Variants in MRM2 observed in about 807,000 individuals in gnomAD.
MRM2 encodes the protein mitochondrial rRNA methyltransferase 2, also known as rRNA methyltransferase 2, mitochondrial.
A neutral mutation model predicts 10.9 loss-of-function variants in MRM2; 15 were observed. The observed-to-expected ratio is 1.37, with a 90% CI of 0.92 to 2.11. The LOEUF is 2.11. Ranked by LOEUF, MRM2 falls within the 30% of genes most tolerant of loss-of-function variation. The pLI is 0.00. For missense variants in MRM2, 328 were observed against 321.3 expected, an observed-to-expected ratio of 1.02 and a Z score of -0.16; for synonymous variants, 139 against 128.7, an observed-to-expected ratio of 1.08 and a Z score of -0.54.
Position 2,239,290 on chromosome 7 carries a change from A to G in MRM2, c.298+128T>C. 4 of 923,564 alleles carry G rather than the reference A, an allele frequency of 4.3e-6. No individual in the cohort carries two copies. The South Asian group carries it at 5.2e-5, about 12-fold the overall frequency. 57.2% of individuals were successfully genotyped at this position (923,564 alleles called of 1,614,324 possible). A position where few individuals can be genotyped will look rare whatever the true frequency, so the allele number is the denominator to read the frequency against. Reference sequence around the variant, plus strand: ...TTTTTATCATCACCATTGCTAAACCACCCACTCGGAAGCACACGCCTTCAA... The same window carrying G: ...TTTTTATCATCACCATTGCTAAACCGCCCACTCGGAAGCACACGCCTTCAA... On this transcript the variant is annotated intron_variant, in intron 2 of 2. Coordinates refer to ENST00000242257, the MANE Select transcript of MRM2 (RefSeq NM_013393.3).
At chr7:2,237,808 T>G in intron 2 of MRM2, among the ~76,000 whole-genome samples, 1 of 147,526 alleles carries the variant, frequency 6.8e-6, no homozygotes, top group East Asian at 2.0e-4. Flanking sequence ...CGGAAATCAC[T>G]TAAACACAGG....
At position 2,239,673 on chromosome 7, in the gene MRM2, G is replaced by A; in HGVS notation, c.43C>T (p.Gln15Ter). ...LKLVCVSFQR[Q>*]GFHTVGSRCK... ...CGACTCCCAACAGTGTGGAACCCTTGACGCTGAAAGGAAACACACACCAGC... is the reference window on the plus strand; with the variant it reads ...CGACTCCCAACAGTGTGGAACCCTTAACGCTGAAAGGAAACACACACCAGC... Residue 15 changes from glutamine to a stop codon, truncating the protein, a stop_gained, in exon 2 of 3, where the codon CAA becomes TAA. Coordinates refer to ENST00000242257, the MANE Select transcript of MRM2 (RefSeq NM_013393.3). LOFTEE classifies it high-confidence loss of function. The A allele has an allele frequency of 6.2e-7, 1 of 1,613,698 alleles. No homozygotes were observed. Among genetic ancestry groups the A allele is most frequent in the Non-Finnish European group, 8.5e-7 (1 of 1,179,748 alleles).
chr7:2,239,488 C>T lies in MRM2; in HGVS notation c.228G>A (p.Val76=). ...CCCCAGGAGCTGCCCCACAGTCTAACACCCGAAGGCCGGGCCGCAGAATCT... is the reference window on the plus strand; with the variant it reads ...CCCCAGGAGCTGCCCCACAGTCTAATACCCGAAGGCCGGGCCGCAGAATCT... The part of the protein sequence containing the change: ...RHQILRPGLR[V]LDCGAAPGAW... The change falls in exon 2 of 3, where the codon GTG becomes GTA. Residue 76 remains valine, a synonymous_variant. Coordinates refer to ENST00000242257, the MANE Select transcript of MRM2 (RefSeq NM_013393.3). 1 of 1,613,890 alleles carries T rather than the reference C, an allele frequency of 6.2e-7. No individual in the cohort carries two copies.
intron 2 of MRM2, chr7:2,238,977 TTATATATATATATATATATATATATA>T (rs779018390): frequency 1.3e-4 from 4 of 31,278 alleles, no homozygotes; most frequent in Admixed American, 1.2e-3. Flanking sequence ...ACAATAATAA[TTATATATATATATATATATATATATA>T]TATATATATA....
rs938194028 is a variant in MRM2, at chr7:2,241,909, C to G, written c.8+253G>C. On this transcript the variant is annotated intron_variant, in intron 1 of 2. Coordinates refer to ENST00000242257, the MANE Select transcript of MRM2 (RefSeq NM_013393.3). ...TTGGATCTGGGCCCCGGCGCTGCGC[C>G]CCCCACCTGGACTCCGCCGCCGGCC... is the stretch of plus-strand genomic sequence containing the variant. 112 of 448,400 alleles carry G rather than the reference C, an allele frequency of 2.5e-4. 1 individual carries two copies. Among genetic ancestry groups the G allele is most frequent in the South Asian group, 7.2e-4 (18 of 24,868 alleles). The allele number at this position is 448,400 out of a possible 1,614,324, so 27.8% of individuals were successfully genotyped here.
At chr7:2,235,920 T>C (rs1306569365) in intron 2 of MRM2, among the ~76,000 whole-genome samples, 2 of 152,230 alleles carry the variant, frequency 1.3e-5, no homozygotes, top group Admixed American at 6.5e-5. Context: ...CTCTGAGTGC[T>C]CTTTTTGATA....
intron 1 of MRM2, chr7:2,241,332 TTGC>T (rs1794532459): frequency 7.1e-6 from 1 of 139,992 alleles, no homozygotes; most frequent in Non-Finnish European, 1.5e-5. Context: ...CAGGCTGGAG[TTGC>T]AGTGGCACAA....
rs1200358345 is a variant in MRM2 at position 2,235,425 on chromosome 7, C to G, written c.438G>C (p.Arg146Ser). ...SQRILEVLPGRRADVILSDMA... is the reference protein window; with the variant it reads ...SQRILEVLPGSRADVILSDMA... Reference sequence around the variant, plus strand: ...TGTCGCTCAGAATCACATCTGCTCTCCTGCCAGGAAGCACCTCGAGGATTC... The same window carrying G: ...TGTCGCTCAGAATCACATCTGCTCTGCTGCCAGGAAGCACCTCGAGGATTC... Residue 146 changes from arginine to serine, a missense_variant, in exon 3 of 3, where the codon AGG becomes AGC. By Grantham distance (110) the Arg-to-Ser change is moderately radical. Coordinates refer to ENST00000242257, the MANE Select transcript of MRM2 (RefSeq NM_013393.3). 1 of 1,614,062 alleles carries G rather than the reference C, an allele frequency of 6.2e-7. No homozygotes were observed. Among genetic ancestry groups the G allele is most frequent in the Non-Finnish European group, 8.5e-7 (1 of 1,180,024 alleles).
chr7:2,239,401 G>C lies in MRM2; in HGVS notation c.298+17C>G, dbSNP rs201097000. 2.4e-4 allele frequency: 382 copies of C among 1,590,586 alleles called. No individual in the cohort carries two copies. The African/African-American group carries it at 3.2e-3, about 13-fold the overall frequency. ...TCAGGGGAGCCAGAAGGTGCCAACA[G>C]CAGTGCAGAGGCCCACCTGTGCCTG... is the stretch of plus-strand genomic sequence containing the variant. On this transcript the variant is annotated intron_variant, in intron 2 of 2. Coordinates refer to ENST00000242257, the MANE Select transcript of MRM2 (RefSeq NM_013393.3).
rs774770308 is a variant in MRM2 at position 2,235,253 on chromosome 7, A to G, written c.610T>C (p.Leu204=). The G allele has an allele frequency of 1.2e-6, 2 of 1,614,154 alleles. No individual in the cohort carries two copies. Among genetic ancestry groups the G allele is most frequent in the Non-Finnish European group, 1.7e-6 (2 of 1,180,008 alleles). ...AATTCCTCTGTCAGTCTCCTCTGTA[A>G]CCGACGGCTTTGACTTCCAGCCCAG... is the stretch of plus-strand genomic sequence containing the variant. ...KTWAGSQSRR[L]QRRLTEEFQN... is the part of the protein sequence containing the mutation. The change falls in exon 3 of 3, where the codon TTA becomes CTA. Residue 204 remains leucine (L), a synonymous_variant. Coordinates refer to ENST00000242257, the MANE Select transcript of MRM2 (RefSeq NM_013393.3).
chr7:2,240,000 G>A (rs1303795977), intron 1 of MRM2, among the ~76,000 whole-genome samples: 1 of 152,128 alleles, frequency 6.6e-6, no homozygotes, highest in African/African-American at 2.4e-5. Flanking sequence ...ATCCCCTGAG[G>A]TCAGGATTTC....
Position 2,235,101 on chromosome 7 carries a change from T to A in MRM2, c.*21A>T. 2 of 1,589,422 alleles carry A rather than the reference T, an allele frequency of 1.3e-6. No individual in the cohort carries two copies. Among genetic ancestry groups the A allele is most frequent in the Non-Finnish European group, 1.7e-6 (2 of 1,159,880 alleles). ...GCTTAAAAGGAGCTAATGACCATTATGAAAATGGCACAAGAAATCCTCACT... is the reference window on the plus strand; with the variant it reads ...GCTTAAAAGGAGCTAATGACCATTAAGAAAATGGCACAAGAAATCCTCACT... On this transcript the variant is annotated 3_prime_UTR_variant, in exon 3 of 3. Transcript: ENST00000242257.
intron 1 of MRM2, among the ~76,000 whole-genome samples, chr7:2,240,898 G>A (rs927532337): frequency 2.0e-5 from 3 of 152,196 alleles, no homozygotes; most frequent in African/African-American, 7.2e-5. Flanking sequence ...GTTCCACCAT[G>A]TTGGCCAGGC....
chr7:2,239,011 ATATATATATATATATAT>A (rs1562401694), intron 2 of MRM2: 1,417 of 56,272 alleles, frequency 0.025, 113 homozygotes, highest in South Asian at 0.043. Flanking sequence ...ATATATATAT[ATATATATATATATATAT>A]AATACATATA....
In MRM2 at chr7:2,235,297, C is replaced by T. The variant is rs139361869; in HGVS notation, c.566G>A (p.Gly189Glu). ...AGCCCAGGTTTTACAAAGGAATGTC[C>T]CCCCAGGTTGCAGGATGTCTGGGGT... ...SVTPDILQPG[G>E]TFLCKTWAGS... Residue 189 changes from glycine to glutamate, a missense_variant, in exon 3 of 3, where the codon GGG (glycine) becomes GAG (glutamate). Physicochemically the swap from Gly to Glu is moderately conservative, Grantham distance 98. Coordinates refer to ENST00000242257, the MANE Select transcript of MRM2 (RefSeq NM_013393.3). 2.5e-5 allele frequency: 40 copies of T among 1,614,128 alleles called. No individual in the cohort carries two copies. The African/African-American group carries it at 4.1e-4, about 17-fold the overall frequency.
chr7:2,240,534 T>A (rs1436415761), intron 1 of MRM2, among the ~76,000 whole-genome samples: 4 of 150,944 alleles, frequency 2.6e-5, no homozygotes, highest in African/African-American at 9.8e-5. Context: ...TTAAATAAAA[T>A]TGAACTAAAC....
chr7:2,239,670 C>G lies in MRM2; in HGVS notation c.46G>C (p.Gly16Arg). 6.2e-7 allele frequency: 1 copy of G among 1,613,780 alleles called. No homozygotes were observed. Among genetic ancestry groups the G allele is most frequent in the African/African-American group, 1.3e-5 (1 of 75,032 alleles). Reference protein sequence around the residue: ...KLVCVSFQRQGFHTVGSRCKN... With the variant: ...KLVCVSFQRQRFHTVGSRCKN... ...CAGCGACTCCCAACAGTGTGGAACC[C>G]TTGACGCTGAAAGGAAACACACACC... Residue 16 changes from glycine to arginine, a missense_variant, in exon 2 of 3, where the codon GGG becomes CGG. Physicochemically the swap from Gly to Arg is moderately radical, Grantham distance 125 (BLOSUM62 -2). Transcript: ENST00000242257.
intron 1 of MRM2, chr7:2,240,321 A>G (rs954488750): frequency 6.6e-6 from 3 of 455,880 alleles, no homozygotes; most frequent in Admixed American, 2.3e-5. Flanking sequence ...AGAAAACCTC[A>G]TAAGGACAGA....
At chr7:2,241,013 G>A (rs1036449596) in intron 1 of MRM2, among the ~76,000 whole-genome samples, 1 of 146,874 alleles carries the variant, frequency 6.8e-6, no homozygotes, top group Admixed American at 6.9e-5. Flanking sequence ...TCTTCTTTTT[G>A]TTTTTTTAGA....
Sources: allele counts gnomAD v4.1 joint callset (sites outside exome capture counted in the v4.1 genomes callset), GRCh38; gene constraint gnomAD v4.1.1; transcripts MANE v1.5; gene names NCBI Gene and HGNC (gene_info 2026-07-23, HGNC 2026-07-21).